The following CHD3 variants were observed in gnomAD, a reference collection of about 807,000 sequenced individuals.
CHD3 encodes the protein ATP-dependent chromatin remodeler CHD3.
CHD3 carries 52 observed loss-of-function variants against 248.9 expected under a neutral mutation model. The observed-to-expected ratio is 0.21, with a 90% CI of 0.17 to 0.26. The LOEUF is 0.26. Ranked by LOEUF, CHD3 falls within the 10% of genes least tolerant of loss-of-function variation. The pLI is 1.00. For missense variants in CHD3, 1,482 were observed against 2,605.8 expected (o/e 0.57, Z 9.39); for synonymous variants, 985 against 985.2 (o/e 1.00, Z 0.00).
Position 7,904,050 on chromosome 17 carries a change from C to T in CHD3, c.3894+59C>T. 2 of 1,565,266 alleles carry T rather than the reference C, an allele frequency of 1.3e-6. No homozygotes were observed. The highest frequency in any genetic ancestry group is 3.4e-5 in the Admixed American group (2 of 58,188). On this transcript the variant is annotated intron_variant, in intron 24 of 39. Transcript: ENST00000330494. This position sits in a 1 kb window ranked among gnomAD's most constrained non-coding sequence, Gnocchi z 4.4. The stretch of plus-strand genomic sequence containing the variant: ...CCAGGCCATCTCCAAAAGGCAGTAT[C>T]CTTTACTCAGCCTTGAAGTAGGAGG...
chr17:7,911,484 G>C lies in CHD3; in HGVS notation c.5902G>C (p.Val1968Leu), dbSNP rs1433454689. The change falls in exon 40 of 40, where the codon GTG becomes CTG. Residue 1968 changes from valine (V) to leucine (L), a missense_variant. Physicochemically the swap from Val to Leu is conservative, Grantham distance 32 (BLOSUM62 1). Coordinates refer to ENST00000330494, the MANE Select transcript of CHD3 (RefSeq NM_001005273.3). This position sits in a 1 kb window ranked among gnomAD's most constrained non-coding sequence, Gnocchi z 5.4. Reference protein sequence around the residue: ...FITAATNGPPVLVKKEKEMVG... With the variant: ...FITAATNGPPLLVKKEKEMVG... ...AACAGCCGCCACCAACGGCCCTCCAGTGCTTGTGAAGAAGGAGAAGGAAAT... is the reference window on the plus strand; with the variant it reads ...AACAGCCGCCACCAACGGCCCTCCACTGCTTGTGAAGAAGGAGAAGGAAAT... The C allele has an allele frequency of 3.1e-6, 5 of 1,614,212 alleles. No homozygotes were observed.
chr17:7,903,068 A>G lies in CHD3; in HGVS notation c.3495+7A>G. On this transcript the variant is annotated splice_region_variant and intron_variant, in intron 22 of 39. Transcript: ENST00000330494. This position sits in a 1 kb window ranked among gnomAD's most constrained non-coding sequence, Gnocchi z 6.8. ...CCCCCATAATGACATCCAGGTGGGA[A>G]CTCGCATCCTAGAACCCCTGCACCA... 1 of 1,612,030 alleles carries G rather than the reference A, an allele frequency of 6.2e-7. No homozygotes were observed. The highest frequency in any genetic ancestry group is 8.5e-7 in the Non-Finnish European group (1 of 1,178,436).
In CHD3 at chr17:7,895,976, A is replaced by G. The variant is rs906901674; in HGVS notation, c.1707+434A>G. On this transcript the variant is annotated intron_variant, in intron 10 of 39. Coordinates refer to ENST00000330494, the MANE Select transcript of CHD3 (RefSeq NM_001005273.3). This position sits in a 1 kb window ranked among gnomAD's most constrained non-coding sequence, Gnocchi z 4.9. ...TGTGGTGGCTCACGCCTGTAATCCC[A>G]GTACTTTGGGAGGCCGAGGTGGGCG... 2.0e-5 allele frequency among the ~76,000 whole-genome samples: 3 copies of G among 152,080 alleles called. No individual in the cohort carries two copies. The highest frequency in any genetic ancestry group is 1.3e-4 in the Admixed American group (2 of 15,276).
upstream of CHD3, chr17:7,885,307 C>CCCGCCGCCGCCGCCCCCGCCGCCGCCG (rs1555603805): frequency 1.9e-5 from 3 of 157,218 alleles, no homozygotes; most frequent in African/African-American, 8.0e-5. Context: ...GCACCCCTCC[C>CCCGCCGCCGCCGCCCCCGCCGCCGCCG]CCGCCGCCGC....
intron 5 of CHD3, 47 bp from the exon 6 acceptor site, chr17:7,893,758 G>A (rs1399497123): frequency 6.2e-7 from 1 of 1,604,298 alleles, no homozygotes; most frequent in Non-Finnish European, 8.5e-7. Context: ...ATTCCAGGAT[G>A]TCATGACCTC....
chr17:7,896,934 C>T (rs1045518788), intron 10 of CHD3, 149 bp from the exon 11 acceptor site: 2 of 655,222 alleles, frequency 3.1e-6, no homozygotes, highest in Non-Finnish European at 2.7e-6. Context: ...ACTGGGATTA[C>T]AGGCATGAGC....
At chr17:7,890,440 A>AG in intron 2 of CHD3, 131 bp from the exon 3 acceptor site, 1 of 653,938 alleles carries the variant, frequency 1.5e-6, no homozygotes. Context: ...AAAAAAAAAA[A>AG]GGAGATAAAA....
In CHD3 at chr17:7,899,489, A is replaced by G. The variant is rs1970057754; in HGVS notation, c.2490A>G (p.Glu830=). ...GCCGGGCCATCATTCGTGAGAATGA[A>G]TTCTCCTTTGAGGACAATGCCATCA... ...KDSRAIIREN[E]FSFEDNAIKG... is the part of the protein sequence containing the mutation. The change falls in exon 15 of 40, where the codon GAA becomes GAG. Residue 830 remains glutamate, a synonymous_variant. Coordinates refer to ENST00000330494, the MANE Select transcript of CHD3 (RefSeq NM_001005273.3). This position sits in a 1 kb window ranked among gnomAD's most constrained non-coding sequence, Gnocchi z 6.8. 7 of 1,614,188 alleles carry G rather than the reference A, an allele frequency of 4.3e-6. No homozygotes were observed. Among genetic ancestry groups the G allele is most frequent in the Non-Finnish European group, 5.9e-6 (7 of 1,180,018 alleles).
intron 4 of CHD3, among the ~76,000 whole-genome samples, chr17:7,891,332 G>A (rs1968826073): frequency 6.6e-6 from 1 of 152,156 alleles, no homozygotes; most frequent in African/African-American, 2.4e-5. Flanking sequence ...ACAGAATAAA[G>A]TGAGGACAGA....
At position 7,888,905 on chromosome 17, in the gene CHD3, A is replaced by G; in HGVS notation, c.-96A>G. 6.3e-7 allele frequency: 1 copy of G among 1,575,240 alleles called. No individual in the cohort carries two copies. The highest frequency in any genetic ancestry group is 8.6e-7 in the Non-Finnish European group (1 of 1,160,936). ...CAAAGGGTATGGCCCCCTAGTTCCC[A>G]AAGGGAGCAGGGAGATGGGAATAGA... On this transcript the variant is annotated 5_prime_UTR_variant, in exon 1 of 40. Coordinates refer to ENST00000330494, the MANE Select transcript of CHD3 (RefSeq NM_001005273.3).
upstream of CHD3, chr17:7,884,908 GGAGGT>G: frequency 7.1e-7 from 1 of 1,417,348 alleles, no homozygotes; most frequent in Non-Finnish European, 9.3e-7. Context: ...AGGAGGAGGA[GGAGGT>G]GGAGGCGGCC....
Position 7,903,157 on chromosome 17 carries a change from T to C in CHD3, c.3495+96T>C. 6.4e-7 allele frequency: 1 copy of C among 1,567,788 alleles called. No homozygotes were observed. Among genetic ancestry groups the C allele is most frequent in the Non-Finnish European group, 8.7e-7 (1 of 1,147,654 alleles). On this transcript the variant is annotated intron_variant, in intron 22 of 39. Transcript: ENST00000330494. The surrounding 1 kb of genome is among the most constrained non-coding windows in gnomAD (Gnocchi z 6.8). Reference sequence around the variant, plus strand: ...TGTTCCGGGGTCAGAAATAAATCTCTTCTGGGAGGAGAGAAGGCCCTTCTT... The same window carrying C: ...TGTTCCGGGGTCAGAAATAAATCTCCTCTGGGAGGAGAGAAGGCCCTTCTT...
At position 7,912,025 on chromosome 17, in the gene CHD3, AGAG is replaced by A; in HGVS notation, c.*445_*447del. On this transcript the variant is annotated 3_prime_UTR_variant, in exon 40 of 40. Coordinates refer to ENST00000330494, the MANE Select transcript of CHD3 (RefSeq NM_001005273.3). ...TTTTGTGGGGAAGAGAGCTTTGAAG[AGAG>A]GAGGGGGACTTTAGAGAGGGATGAA... The A allele has an allele frequency of 3.3e-6, 1 of 307,530 alleles. No individual in the cohort carries two copies. Among genetic ancestry groups the A allele is most frequent in the South Asian group, 2.8e-5 (1 of 35,862 alleles). 19.1% of individuals were successfully genotyped at this position (307,530 alleles called of 1,614,324 possible).
At position 7,911,878 on chromosome 17, in the gene CHD3, C is replaced by T. The variant is rs1971708836; in HGVS notation, c.*293C>T. 1.6e-6 allele frequency: 1 copy of T among 620,750 alleles called. No individual in the cohort carries two copies. Among genetic ancestry groups the T allele is most frequent in the East Asian group, 5.2e-5 (1 of 19,366 alleles). 38.5% of individuals were successfully genotyped at this position (620,750 alleles called of 1,614,324 possible). A position where few individuals can be genotyped will look rare whatever the true frequency, so the allele number is the denominator to read the frequency against. Reference sequence around the variant, plus strand: ...CCTTCCTCCCACACTGCCAAGTATACACAACTTCCCAGTAAATGGTTGTGG... The same window carrying T: ...CCTTCCTCCCACACTGCCAAGTATATACAACTTCCCAGTAAATGGTTGTGG... On this transcript the variant is annotated 3_prime_UTR_variant, in exon 40 of 40. Coordinates refer to ENST00000330494, the MANE Select transcript of CHD3 (RefSeq NM_001005273.3). This position sits in a 1 kb window ranked among gnomAD's most constrained non-coding sequence, Gnocchi z 5.4.
chr17:7,899,193 C>G lies in CHD3; in HGVS notation c.2334C>G (p.Leu778=). ...AAACCATCGTCTTCCTCTACTCACT[C>G]TACAAGGAGGTGCTGGATTCTAGGA... ...TIQTIVFLYS[L]YKEGHTKGPF... The change falls in exon 14 of 40, where the codon CTC becomes CTG. Residue 778 remains leucine, a synonymous_variant. Transcript: ENST00000330494. The surrounding 1 kb of genome is among the most constrained non-coding windows in gnomAD (Gnocchi z 6.8). 2.5e-6 allele frequency: 4 copies of G among 1,613,150 alleles called. No individual in the cohort carries two copies. Among genetic ancestry groups the G allele is most frequent in the Non-Finnish European group, 3.4e-6 (4 of 1,179,308 alleles).
At position 7,895,298 on chromosome 17, in the gene CHD3, G is replaced by A. The variant is rs775184688; in HGVS notation, c.1504-41G>A. The A allele has an allele frequency of 9.3e-6, 15 of 1,607,444 alleles. No individual in the cohort carries two copies. The highest frequency in any genetic ancestry group is 1.3e-5 in the African/African-American group (1 of 74,696). Reference sequence around the variant, plus strand: ...TCTCATCTAACAATGGGTTCTTTCTGCCTCTTTCTTTCCTCCTCCTTGTAC... The same window carrying A: ...TCTCATCTAACAATGGGTTCTTTCTACCTCTTTCTTTCCTCCTCCTTGTAC... On this transcript the variant is annotated intron_variant, in intron 9 of 39. Coordinates refer to ENST00000330494, the MANE Select transcript of CHD3 (RefSeq NM_001005273.3). The surrounding 1 kb of genome is among the most constrained non-coding windows in gnomAD (Gnocchi z 4.9).
Position 7,908,997 on chromosome 17 carries a change from G to A in CHD3, c.5395-146G>A. On this transcript the variant is annotated intron_variant, in intron 36 of 39. Transcript: ENST00000330494. This position sits in a 1 kb window ranked among gnomAD's most constrained non-coding sequence, Gnocchi z 5.8. ...TGGGAGTGTGATCTGGGTCAGGGTT[G>A]CTGCTAGGTTCGCAGTCGGTTTGGA... is the stretch of plus-strand genomic sequence containing the variant. 2.2e-6 allele frequency: 3 copies of A among 1,387,586 alleles called. No homozygotes were observed. Among genetic ancestry groups the A allele is most frequent in the Non-Finnish European group, 3.0e-6 (3 of 1,012,766 alleles). The allele number at this position is 1,387,586 out of a possible 1,614,324, so 86.0% of individuals were successfully genotyped here.
At chr17:7,884,914 G>A (rs1453137304), upstream of CHD3, 2 of 1,418,602 alleles carry the variant, frequency 1.4e-6, no homozygotes, top group Non-Finnish European at 1.9e-6. Flanking sequence ...AGGAGGAGGT[G>A]GAGGCGGCCG....
chr17:7,892,457 T>C (rs539754598), intron 4 of CHD3, among the ~76,000 whole-genome samples: 1 of 152,260 alleles, frequency 6.6e-6, no homozygotes, highest in South Asian at 2.1e-4. Flanking sequence ...TTTTAACCTT[T>C]TATGCTTTTA....
Sources: allele counts gnomAD v4.1 joint callset (sites outside exome capture counted in the v4.1 genomes callset), GRCh38; gene constraint gnomAD v4.1.1; non-coding constraint Gnocchi (gnomAD v3.1); transcripts MANE v1.5; gene names NCBI Gene and HGNC (gene_info 2026-07-23, HGNC 2026-07-21).